MACROD2: variants seen among roughly 807,000 people sequenced by gnomAD.
MACROD2 encodes mono-ADP ribosylhydrolase 2.
In MACROD2, 36 loss-of-function variants were observed where a neutral mutation model predicts 70.4. That is an observed-to-expected ratio of 0.51 (90% CI 0.39 to 0.68). The LOEUF (loss-of-function observed/expected upper bound fraction) is 0.68. MACROD2 is among the 30% of genes least tolerant of loss of function. The pLI is 0.00. For missense variants in MACROD2, 496 were observed against 538.4 expected, an observed-to-expected ratio of 0.92 and a Z score of 0.78; for synonymous variants, 172 against 178.8, an observed-to-expected ratio of 0.96 and a Z score of 0.30.
At position 15,607,657 on chromosome 20, in the gene MACROD2, C is replaced by T. The variant is rs546826788; in HGVS notation, c.645+107810C>T. On this transcript the variant is annotated intron_variant, in intron 8 of 17. Transcript: ENST00000684519. ...CAAGCGATTCTCCCACCTCGGCCTC[C>T]TGAATAGCTGGGATTACAGGTGCTC... Among the ~76,000 whole-genome samples the T allele has an allele frequency of 5.3e-5, 8 of 152,356 alleles. No homozygotes were observed. The East Asian group carries it at 1.5e-3, about 29-fold the overall frequency.
intron 3 of MACROD2, among the ~76,000 whole-genome samples, chr20:14,133,721 T>C (rs1473960871): frequency 5.3e-5 from 8 of 152,238 alleles, no homozygotes; most frequent in Admixed American, 5.2e-4. Flanking sequence ...TTAAGGTCTT[T>C]CTTTCATATA....
chr20:14,953,543 G>A (rs560641560), intron 5 of MACROD2, among the ~76,000 whole-genome samples: 7 of 152,200 alleles, frequency 4.6e-5, no homozygotes, highest in African/African-American at 1.4e-4. Context: ...CTGACCTCAT[G>A]GTCCGCCCAC....
At chr20:14,310,076 G>A (rs183989220) in intron 3 of MACROD2, among the ~76,000 whole-genome samples, 34 of 152,200 alleles carry the variant, frequency 2.2e-4, no homozygotes, top group African/African-American at 7.9e-4. Context: ...AAAAAATTCA[G>A]ATCCATGCTT....
intron 5 of MACROD2, among the ~76,000 whole-genome samples, chr20:14,823,554 A>G (rs1443849466): frequency 2.0e-5 from 3 of 152,092 alleles, no homozygotes; most frequent in African/African-American, 7.2e-5. Flanking sequence ...ATTACCAGCC[A>G]TCGCATTAAG....
chr20:14,009,993 G>A (rs750459331), intron 2 of MACROD2, among the ~76,000 whole-genome samples: 3 of 152,132 alleles, frequency 2.0e-5, no homozygotes, highest in Non-Finnish European at 4.4e-5. Context: ...GGAGGAGTGA[G>A]AGCATCAGGA....
chr20:15,854,563 C>A (rs535554402), intron 8 of MACROD2, among the ~76,000 whole-genome samples: 1 of 152,116 alleles, frequency 6.6e-6, no homozygotes, highest in Non-Finnish European at 1.5e-5. Context: ...GGACTTTCAG[C>A]CAACTGTGAA....
At chr20:14,076,793 G>C (rs2053921283) in intron 2 of MACROD2, among the ~76,000 whole-genome samples, 1 of 151,974 alleles carries the variant, frequency 6.6e-6, no homozygotes, top group African/African-American at 2.4e-5. Flanking sequence ...TCAGCGTTAA[G>C]TATAATGTGG....
intron 7 of MACROD2, among the ~76,000 whole-genome samples, chr20:15,468,843 C>T (rs1450283059): frequency 6.6e-6 from 1 of 152,134 alleles, no homozygotes; most frequent in African/African-American, 2.4e-5. Context: ...ATTGTCCCCA[C>T]CTTGGGAACA....
intron 3 of MACROD2, among the ~76,000 whole-genome samples, chr20:14,240,953 A>G (rs1426975320): frequency 6.6e-6 from 1 of 151,936 alleles, no homozygotes; most frequent in African/African-American, 2.4e-5. Flanking sequence ...ACATGGTGAA[A>G]CCCCCTCTCT....
chr20:15,445,606 A>C (rs2046554182), intron 7 of MACROD2, among the ~76,000 whole-genome samples: 1 of 152,114 alleles, frequency 6.6e-6, no homozygotes, highest in Non-Finnish European at 1.5e-5. Flanking sequence ...GACCCAGGGG[A>C]GTAGATAACA....
chr20:14,583,043 G>A (rs768992161), intron 4 of MACROD2, among the ~76,000 whole-genome samples: 6 of 146,300 alleles, frequency 4.1e-5, no homozygotes, highest in South Asian at 4.7e-4. Context: ...TTGTCTGAGC[G>A]TATTTCCAGG....
intron 8 of MACROD2, among the ~76,000 whole-genome samples, chr20:15,806,471 T>G (rs1795871712): frequency 6.6e-6 from 1 of 152,192 alleles, no homozygotes; most frequent in Non-Finnish European, 1.5e-5. Context: ...CCCCTGACTT[T>G]TACAGCTGCC....
At chr20:15,463,782 C>G (rs371241204) in intron 7 of MACROD2, among the ~76,000 whole-genome samples, 10 of 152,264 alleles carry the variant, frequency 6.6e-5, no homozygotes, top group African/African-American at 2.4e-4. Context: ...TTAAAAACTA[C>G]TGTAAAATAT....
chr20:15,042,987 A>G (rs2075366973), intron 5 of MACROD2, among the ~76,000 whole-genome samples: 1 of 152,158 alleles, frequency 6.6e-6, no homozygotes, highest in South Asian at 2.1e-4. Flanking sequence ...GGTTGTATCA[A>G]CATTCCTGGA....
intron 8 of MACROD2, among the ~76,000 whole-genome samples, chr20:15,729,830 G>GTTTTTTTTTTTTTT (rs1487779107): frequency 8.0e-4 from 8 of 9,996 alleles, no homozygotes; most frequent in Non-Finnish European, 2.0e-3. Context: ...GTTGGGTCAT[G>GTTTTTTTTTTTTTT]CTTTTTTTTT....
chr20:15,474,490 G>T (rs2046996891), intron 7 of MACROD2, among the ~76,000 whole-genome samples: 1 of 151,684 alleles, frequency 6.6e-6, no homozygotes. Context: ...TAATTTGGTG[G>T]TTCTCATCTT....
intron 4 of MACROD2, among the ~76,000 whole-genome samples, chr20:14,591,312 A>C (rs1294892355): frequency 6.6e-6 from 1 of 152,194 alleles, no homozygotes; most frequent in Admixed American, 6.5e-5. Flanking sequence ...GGCTGTTAAC[A>C]TAATTATTTG....
chr20:15,697,159 G>A (rs369661159), intron 8 of MACROD2, among the ~76,000 whole-genome samples: 3 of 151,952 alleles, frequency 2.0e-5, no homozygotes, highest in East Asian at 3.9e-4. Flanking sequence ...GTCTGTTTGT[G>A]CTCTTTCAAA....
intron 4 of MACROD2, among the ~76,000 whole-genome samples, chr20:14,680,044 C>T (rs1274956488): frequency 2.0e-5 from 3 of 152,130 alleles, no homozygotes; most frequent in Non-Finnish European, 4.4e-5. Flanking sequence ...TCCTACTTAA[C>T]TCATATGGTA....
Sources: gnomAD v4.1 joint callset for allele counts (sites outside exome capture counted in the v4.1 genomes callset) on GRCh38, gnomAD v4.1.1 for gene constraint, MANE v1.5 for transcripts, NCBI Gene and HGNC (gene_info 2026-07-23, HGNC 2026-07-21) for gene names.